HMGCLL1: variants seen among roughly 807,000 people sequenced by gnomAD.
HMGCLL1 encodes 3-hydroxymethyl-3-methylglutaryl-CoA lyase, cytoplasmic.
In HMGCLL1, 36 loss-of-function variants were observed where a neutral mutation model predicts 39.1. The observed-to-expected ratio is 0.92, with a 90% CI of 0.71 to 1.22. The LOEUF (loss-of-function observed/expected upper bound fraction) is 1.22. Ranked by LOEUF, HMGCLL1 falls within the 50% of genes most tolerant of loss-of-function variation. The pLI is 0.00. For missense variants in HMGCLL1, 451 were observed against 416.5 expected, an observed-to-expected ratio of 1.08 and a Z score of -0.72; for synonymous variants, 149 against 144.0, an observed-to-expected ratio of 1.03 and a Z score of -0.25.
At chr6:55,662,689 CCTCAT>C in the HMGCLL1 span, among the ~76,000 whole-genome samples, 1 of 151,778 alleles carries the variant, frequency 6.6e-6, no homozygotes, top group Non-Finnish European at 1.5e-5. Context: ...ATGATGATGG[CCTCAT>C]AGAATGAGTT....
At chr6:55,480,119 T>A (rs1377203157) in intron 7 of HMGCLL1, among the ~76,000 whole-genome samples, 1 of 151,612 alleles carries the variant, frequency 6.6e-6, no homozygotes, top group East Asian at 1.9e-4. Flanking sequence ...TTACATCAAC[T>A]TAAAATAATG....
chr6:55,528,048 T>C (rs1224020973), intron 3 of HMGCLL1, among the ~76,000 whole-genome samples: 4 of 152,036 alleles, frequency 2.6e-5, no homozygotes, highest in Non-Finnish European at 5.9e-5. Flanking sequence ...CTAATATAGA[T>C]TGCTAAATAA....
At chr6:55,528,118 G>A (rs1195455120) in intron 3 of HMGCLL1, among the ~76,000 whole-genome samples, 3 of 151,870 alleles carry the variant, frequency 2.0e-5, no homozygotes, top group Admixed American at 6.6e-5. Flanking sequence ...CAACTCTATC[G>A]ATAATCCAGG....
intron 1 of HMGCLL1, among the ~76,000 whole-genome samples, chr6:55,570,226 T>A (rs753166392): frequency 6.6e-6 from 1 of 152,208 alleles, no homozygotes; most frequent in Non-Finnish European, 1.5e-5. Flanking sequence ...ATTCAAGTCT[T>A]CTTTATTTTT....
At chr6:55,494,501 C>T (rs1011764090) in intron 7 of HMGCLL1, among the ~76,000 whole-genome samples, 1 of 152,118 alleles carries the variant, frequency 6.6e-6, no homozygotes, top group African/African-American at 2.4e-5. Flanking sequence ...TTCAATAGAA[C>T]GTTCTTTTCT....
the HMGCLL1 span, among the ~76,000 whole-genome samples, chr6:55,663,565 T>G: frequency 6.6e-6 from 1 of 152,046 alleles, no homozygotes; most frequent in East Asian, 1.9e-4. Flanking sequence ...ACAGTTCTTT[T>G]GCATTTGCTG....
chr6:55,493,771 C>T (rs1015057114), intron 7 of HMGCLL1, among the ~76,000 whole-genome samples: 2 of 151,076 alleles, frequency 1.3e-5, no homozygotes, highest in African/African-American at 2.4e-5. Context: ...CTTGCTCTGT[C>T]GCCCAGGCTG....
At chr6:55,494,893 C>T (rs1372401165) in intron 7 of HMGCLL1, among the ~76,000 whole-genome samples, 1 of 152,112 alleles carries the variant, frequency 6.6e-6, no homozygotes, top group Non-Finnish European at 1.5e-5. Flanking sequence ...TTCACTTTAT[C>T]ATATAATGGA....
At chr6:55,570,250 C>T (rs893851421) in intron 1 of HMGCLL1, among the ~76,000 whole-genome samples, 3 of 152,170 alleles carry the variant, frequency 2.0e-5, no homozygotes, top group Non-Finnish European at 4.4e-5. Flanking sequence ...GCTATAAACT[C>T]AGCTTCACAC....
chr6:55,568,102 G>C (rs756251491), intron 1 of HMGCLL1, among the ~76,000 whole-genome samples: 7 of 152,046 alleles, frequency 4.6e-5, no homozygotes, highest in Non-Finnish European at 8.8e-5. Context: ...TCTGGTTTTG[G>C]AATGAATGTT....
the HMGCLL1 span, among the ~76,000 whole-genome samples, chr6:55,628,818 G>A: frequency 2.6e-5 from 4 of 152,126 alleles, no homozygotes; most frequent in Non-Finnish European, 5.9e-5. Context: ...GAGTTTCCAT[G>A]CACAAACTTC....
chr6:55,574,229 T>C (rs763933930), intron 1 of HMGCLL1, among the ~76,000 whole-genome samples: 1 of 151,776 alleles, frequency 6.6e-6, no homozygotes, highest in Non-Finnish European at 1.5e-5. Context: ...TTGAAACAAA[T>C]ACTTCTGGTT....
intron 1 of HMGCLL1, among the ~76,000 whole-genome samples, chr6:55,543,736 G>T (rs1769788039): frequency 1.3e-5 from 2 of 151,012 alleles, no homozygotes; most frequent in Non-Finnish European, 2.9e-5. Context: ...GATGGGGGTG[G>T]TGTATCCTAA....
the HMGCLL1 span, among the ~76,000 whole-genome samples, chr6:55,644,553 C>T: frequency 6.6e-6 from 1 of 152,122 alleles, no homozygotes; most frequent in Admixed American, 6.6e-5. Flanking sequence ...TGTCTTTAAT[C>T]TATTTTGATT....
At chr6:55,507,575 A>G (rs1463613802) in intron 5 of HMGCLL1, among the ~76,000 whole-genome samples, 3 of 151,834 alleles carry the variant, frequency 2.0e-5, no homozygotes, top group Non-Finnish European at 4.4e-5. Flanking sequence ...TAGCATGATT[A>G]TGTACAAAAT....
In HMGCLL1 at chr6:55,487,568, T is replaced by C. The variant is rs1450861899; in HGVS notation, c.795+7851A>G. 3.3e-5 allele frequency among the ~76,000 whole-genome samples: 5 copies of C among 152,186 alleles called. 1 individual carries two copies. Among genetic ancestry groups the C allele is most frequent in the African/African-American group, 1.2e-4 (5 of 41,546 alleles). ...GGTGTTTGGTTTTCTGGTCGTGTGATAGTTTACTGAAAATGATGGTTTCCA... is the reference window on the plus strand; with the variant it reads ...GGTGTTTGGTTTTCTGGTCGTGTGACAGTTTACTGAAAATGATGGTTTCCA... On this transcript the variant is annotated intron_variant, in intron 7 of 8. Transcript: ENST00000274901.
At chr6:55,657,390 C>T in the HMGCLL1 span, among the ~76,000 whole-genome samples, 4 of 152,030 alleles carry the variant, frequency 2.6e-5, no homozygotes, top group East Asian at 7.8e-4. Flanking sequence ...GGAAGGGGTC[C>T]AGTTTCAATC....
intron 7 of HMGCLL1, among the ~76,000 whole-genome samples, chr6:55,481,812 A>ACC (rs78815030): frequency 0.15 from 22,090 of 152,150 alleles, 1,963 homozygotes; most frequent in Non-Finnish European, 0.2. Context: ...CTACCTACCT[A>ACC]TCTACCTACC....
At chr6:55,495,331 T>C (rs753995331) in intron 7 of HMGCLL1, 88 bp downstream of exon 7, 70 of 1,012,214 alleles carry the variant, frequency 6.9e-5, no homozygotes, top group Non-Finnish European at 9.1e-5. Flanking sequence ...TTATGAAAAT[T>C]GTAACAATAC....
Sources: gnomAD v4.1 joint callset for allele counts (sites outside exome capture counted in the v4.1 genomes callset) on GRCh38, gnomAD v4.1.1 for gene constraint, MANE v1.5 for transcripts, NCBI Gene and HGNC (gene_info 2026-07-23, HGNC 2026-07-21) for gene names.